TRHDE: variants seen among roughly 807,000 people sequenced by gnomAD.
TRHDE encodes the protein thyrotropin-releasing hormone-degrading ectoenzyme.
A neutral mutation model predicts 125.7 loss-of-function variants in TRHDE; 72 were observed. The observed-to-expected ratio is 0.57, with a 90% CI of 0.47 to 0.70. The LOEUF (loss-of-function observed/expected upper bound fraction) is 0.70. Ranked by LOEUF, TRHDE falls within the 30% of genes least tolerant of loss-of-function variation. The pLI is 0.00. For missense variants in TRHDE, 1,110 were observed against 1,327.1 expected (o/e 0.84, Z 2.54); for synonymous variants, 509 against 509.1 (o/e 1.00, Z 0.00).
intron 3 of TRHDE, among the ~76,000 whole-genome samples, chr12:72,415,688 A>G (rs1012102104): frequency 8.6e-5 from 13 of 151,858 alleles, no homozygotes; most frequent in African/African-American, 2.9e-4. Context: ...AATATGCTCC[A>G]GTGCCATCCA....
intron 3 of TRHDE, among the ~76,000 whole-genome samples, chr12:72,385,778 CA>C (rs1263293977): frequency 1.3e-5 from 2 of 151,858 alleles, no homozygotes; most frequent in Admixed American, 1.3e-4. Flanking sequence ...TAATAAAAAA[CA>C]AAAAATATAT....
intron 2 of TRHDE, among the ~76,000 whole-genome samples, chr12:72,287,911 T>G (rs989393006): frequency 1.3e-5 from 2 of 152,002 alleles, no homozygotes; most frequent in Non-Finnish European, 2.9e-5. Context: ...TATTTTAATT[T>G]TCATATTAAC....
intron 15 of TRHDE, among the ~76,000 whole-genome samples, chr12:72,623,824 A>G (rs916203385): frequency 1.3e-5 from 2 of 152,042 alleles, no homozygotes; most frequent in Non-Finnish European, 2.9e-5. Context: ...GTTTAATTTA[A>G]TAATTGCGGT....
chr12:72,399,746 TC>T (rs1592417729), intron 3 of TRHDE, among the ~76,000 whole-genome samples: 2 of 152,174 alleles, frequency 1.3e-5, no homozygotes, highest in Non-Finnish European at 2.9e-5. Context: ...GTTGTTTTTT[TC>T]GTTCTGATTC....
intron 2 of TRHDE, among the ~76,000 whole-genome samples, chr12:72,116,951 C>T (rs1875458910): frequency 6.6e-6 from 1 of 151,994 alleles, no homozygotes; most frequent in South Asian, 2.1e-4. Flanking sequence ...TTAGACTTTC[C>T]TGCAGAGTTA....
intron 2 of TRHDE, among the ~76,000 whole-genome samples, chr12:72,196,135 G>A (rs904045578): frequency 2.6e-5 from 4 of 152,106 alleles, no homozygotes; most frequent in East Asian, 1.9e-4. Flanking sequence ...TAGCCATACG[G>A]TATAGTTTGA....
intron 3 of TRHDE, among the ~76,000 whole-genome samples, chr12:72,438,738 TC>T (rs1874861340): frequency 1.3e-5 from 2 of 151,926 alleles, no homozygotes; most frequent in Non-Finnish European, 2.9e-5. Context: ...TATTTTTTGT[TC>T]ACTCTGTTAT....
chr12:72,663,977 A>C lies in TRHDE; in HGVS notation c.*782A>C, dbSNP rs1015485324. On this transcript the variant is annotated 3_prime_UTR_variant, in exon 19 of 19. Transcript: ENST00000261180. The stretch of plus-strand genomic sequence containing the variant: ...AAAATTTATCTCTTTTTATAAACTT[A>C]AGGACAGTTGCAAAAGGCTTCAAGG... The C allele has an allele frequency of 6.6e-5, 10 of 152,262 alleles. No individual in the cohort carries two copies. The highest frequency in any genetic ancestry group is 2.4e-4 in the African/African-American group (10 of 41,582). The allele number at this position is 152,262 out of a possible 1,614,324, so 9.4% of individuals were successfully genotyped here. A position where few individuals can be genotyped will look rare whatever the true frequency, so the allele number is the denominator to read the frequency against.
chr12:72,356,931 A>G (rs1425588289), intron 2 of TRHDE, among the ~76,000 whole-genome samples: 1 of 151,550 alleles, frequency 6.6e-6, no homozygotes, highest in Non-Finnish European at 1.5e-5. Flanking sequence ...GAAAATATCT[A>G]TATTTTCGGA....
At chr12:72,637,248 A>T (rs1295207141) in intron 15 of TRHDE, among the ~76,000 whole-genome samples, 1 of 152,138 alleles carries the variant, frequency 6.6e-6, no homozygotes, top group African/African-American at 2.4e-5. Context: ...GTTTGTGTCG[A>T]GGCATTTATC....
chr12:72,667,818 T>G lies in TRHDE; in HGVS notation c.*4623T>G, dbSNP rs191192635. ...AAACTCTAATAATTGGAATATAAATTGGGATGGAATTTATCCTTAAGAAAA... is the reference window on the plus strand; with the variant it reads ...AAACTCTAATAATTGGAATATAAATGGGGATGGAATTTATCCTTAAGAAAA... On this transcript the variant is annotated 3_prime_UTR_variant, in exon 19 of 19. Transcript: ENST00000261180. 2 of 151,846 alleles carry G rather than the reference T, an allele frequency of 1.3e-5. No individual in the cohort carries two copies. The highest frequency in any genetic ancestry group is 1.3e-4 in the Admixed American group (2 of 15,226). 9.4% of individuals were successfully genotyped at this position (151,846 alleles called of 1,614,324 possible).
At chr12:72,300,706 G>A (rs1316691273) in intron 2 of TRHDE, among the ~76,000 whole-genome samples, 3 of 151,798 alleles carry the variant, frequency 2.0e-5, no homozygotes, top group Admixed American at 2.0e-4. Context: ...ATATATGTGT[G>A]TGTGTATGTA....
chr12:72,253,260 T>G (rs544708935), intron 2 of TRHDE, among the ~76,000 whole-genome samples: 3 of 152,256 alleles, frequency 2.0e-5, no homozygotes, highest in Admixed American at 2.0e-4. Context: ...AATTTTATTT[T>G]TGTATAATCC....
At chr12:72,392,728 A>G (rs945990602) in intron 3 of TRHDE, among the ~76,000 whole-genome samples, 3 of 152,176 alleles carry the variant, frequency 2.0e-5, no homozygotes, top group South Asian at 2.1e-4. Flanking sequence ...TGAGCCCTGC[A>G]TTACTTGGTA....
At chr12:72,605,827 A>G (rs992339938) in intron 12 of TRHDE, among the ~76,000 whole-genome samples, 1 of 152,160 alleles carries the variant, frequency 6.6e-6, no homozygotes, top group African/African-American at 2.4e-5. Context: ...TATTGCTTGA[A>G]ATAGTTTCTT....
rs368525873 is a variant in TRHDE at position 72,563,059 on chromosome 12, C to T, written c.2042+19C>T. The T allele has an allele frequency of 4.2e-5, 64 of 1,511,524 alleles. No individual in the cohort carries two copies. Among genetic ancestry groups the T allele is most frequent in the Middle Eastern group, 1.8e-4 (1 of 5,564 alleles). 93.6% of individuals were successfully genotyped at this position (1,511,524 alleles called of 1,614,324 possible). On this transcript the variant is annotated intron_variant, in intron 9 of 18. Transcript: ENST00000261180. The stretch of plus-strand genomic sequence containing the variant: ...ATAACAGGTATGACATTCTTTTTTA[C>T]GTGAAAAATATTGTTTTTATTCTTA...
At chr12:72,632,210 A>C (rs1348477029) in intron 15 of TRHDE, among the ~76,000 whole-genome samples, 1 of 151,986 alleles carries the variant, frequency 6.6e-6, no homozygotes, top group Non-Finnish European at 1.5e-5. Context: ...CTTTCATCTT[A>C]AGAAGTTAAG....
intron 3 of TRHDE, among the ~76,000 whole-genome samples, chr12:72,426,647 A>G (rs999710498): frequency 2.0e-5 from 3 of 151,732 alleles, no homozygotes; most frequent in South Asian, 2.1e-4. Context: ...TTCAACAGCT[A>G]TTTACTGAGG....
rs192681381 is a variant in TRHDE, at chr12:72,326,758, G to A, written c.1188+39804G>A. ...TCCATTAAATAAAGTATTTTAACAC[G>A]AAAAACGTAGGAAGTCCACTTTCAG... is the stretch of plus-strand genomic sequence containing the variant. On this transcript the variant is annotated intron_variant, in intron 2 of 18. Coordinates refer to ENST00000261180, the MANE Select transcript of TRHDE (RefSeq NM_013381.3). 1.8e-3 allele frequency among the ~76,000 whole-genome samples: 280 copies of A among 152,108 alleles called. 1 individual carries two copies. Among genetic ancestry groups the A allele is most frequent in the African/African-American group, 6.0e-3 (249 of 41,488 alleles).
Sources: allele counts gnomAD v4.1 joint callset (sites outside exome capture counted in the v4.1 genomes callset), GRCh38; gene constraint gnomAD v4.1.1; transcripts MANE v1.5; gene names NCBI Gene and HGNC (gene_info 2026-07-23, HGNC 2026-07-21).